The following CTBP1 variants were observed in gnomAD, a reference collection of about 807,000 sequenced individuals.
The protein encoded by CTBP1 is C-terminal binding protein 1.
A neutral mutation model predicts 42.1 loss-of-function variants in CTBP1; 11 were observed. That is an observed-to-expected ratio of 0.26 (90% confidence interval 0.16 to 0.43). CTBP1 has a LOEUF of 0.43. Among genes scored for constraint, CTBP1 ranks in the 20% least tolerant of loss-of-function variants. CTBP1 has a pLI of 1.00. For missense variants in CTBP1, 399 were observed against 624.3 expected, an observed-to-expected ratio of 0.64 and a Z score of 3.85; for synonymous variants, 324 against 277.1, an observed-to-expected ratio of 1.17 and a Z score of -1.68.
chr4:1,231,085 AT>A (rs1037292373), intron 3 of CTBP1: 69 of 152,402 alleles, frequency 4.5e-4, no homozygotes, highest in African/African-American at 1.7e-3. Context: ...GGGGCACCCC[AT>A]GCCCCGACCT....
rs1008034357 is a variant in CTBP1 at position 1,213,353 on chromosome 4, T to C, written c.988+125A>G. The C allele has an allele frequency of 6.1e-6, 9 of 1,470,646 alleles. No individual in the cohort carries two copies. In the East Asian group the frequency reaches 1.4e-4, roughly 22 times the overall value. 91.1% of individuals were successfully genotyped at this position (1,470,646 alleles called of 1,614,324 possible). ...TTAGAGGTCCCTGCTGGGGGTGCAGTGAGAGCACCACGGGCCCTGAGCTGG... is the reference window on the plus strand; with the variant it reads ...TTAGAGGTCCCTGCTGGGGGTGCAGCGAGAGCACCACGGGCCCTGAGCTGG... On this transcript the variant is annotated intron_variant, in intron 8 of 9. Transcript: ENST00000382952.
chr4:1,243,052 C>A, intron 1 of CTBP1: 3 of 985,352 alleles, frequency 3.0e-6, no homozygotes, highest in Non-Finnish European at 3.6e-6. Context: ...TCATTGATAC[C>A]GGCTGATACT....
At chr4:1,214,299 G>A in intron 7 of CTBP1, 44 bp downstream of exon 7, 1 of 1,509,654 alleles carries the variant, frequency 6.6e-7, no homozygotes, top group South Asian at 1.3e-5. Flanking sequence ...CGGCAGGATG[G>A]TGGACAGGGA....
intron 3 of CTBP1, chr4:1,234,647 G>A (rs1731295913): frequency 6.6e-6 from 1 of 152,240 alleles, no homozygotes; most frequent in East Asian, 1.9e-4. Flanking sequence ...TTTCCAATTT[G>A]TTGGCAAAAC....
intron 5 of CTBP1, among the ~76,000 whole-genome samples, chr4:1,222,184 G>A (rs1729813680): frequency 6.6e-6 from 1 of 152,200 alleles, no homozygotes; most frequent in South Asian, 2.1e-4. Context: ...GGGTGGGATG[G>A]GGCTCAGGGA....
At chr4:1,237,004 T>C (rs1731585132) in intron 3 of CTBP1, 3 of 662,786 alleles carry the variant, frequency 4.5e-6, no homozygotes, top group Admixed American at 4.2e-5. Flanking sequence ...CATCTCCTGA[T>C]GGGGCACAGG....
chr4:1,213,875 C>T, intron 7 of CTBP1: 4 of 480,556 alleles, frequency 8.3e-6, no homozygotes, highest in Non-Finnish European at 1.5e-5. Flanking sequence ...GGGGGACATG[C>T]TGCCTGGCCC....
chr4:1,248,150 C>T, intron 1 of CTBP1, among the ~76,000 whole-genome samples: 1 of 152,074 alleles, frequency 6.6e-6, no homozygotes, highest in South Asian at 2.1e-4. Flanking sequence ...GCAAGCCCGG[C>T]GCCCGCCCGT....
chr4:1,250,317 G>A (rs1733195942), upstream of CTBP1: 2 of 270,756 alleles, frequency 7.4e-6, no homozygotes, highest in South Asian at 3.8e-5. Context: ...CTAAGATCGG[G>A]CTGCCGAGCT....
At chr4:1,221,976 T>G in intron 5 of CTBP1, 1 of 309,688 alleles carries the variant, frequency 3.2e-6, no homozygotes, top group South Asian at 2.4e-5. Flanking sequence ...CTGCGCCGAG[T>G]GGCACCAACA....
intron 5 of CTBP1, among the ~76,000 whole-genome samples, chr4:1,224,807 G>T (rs1449200946): frequency 2.0e-5 from 3 of 150,888 alleles, no homozygotes; most frequent in Non-Finnish European, 4.4e-5. Context: ...TGATTTCTGT[G>T]TGCGCCCGTG....
rs764666768 is a variant in CTBP1, at chr4:1,238,099, G to A, written c.162+84C>T. 1.7e-5 allele frequency: 26 copies of A among 1,575,454 alleles called. No individual in the cohort carries two copies. In the East Asian group the frequency reaches 3.6e-4, roughly 22 times the overall value. On this transcript the variant is annotated intron_variant, in intron 3 of 9. Transcript: ENST00000382952. This position sits in a 1 kb window ranked among gnomAD's most constrained non-coding sequence, Gnocchi z 5.9. ...TGCCCCAGTGGCACCCAGACCTGCT[G>A]TGGCCCGGGCCTGCCGTGCTCCCGT...
At chr4:1,243,621 G>A in intron 1 of CTBP1, 1 of 985,444 alleles carries the variant, frequency 1.0e-6, no homozygotes, top group Non-Finnish European at 1.2e-6. Context: ...CTGAGAGCCA[G>A]TGTCCGAGTC....
intron 1 of CTBP1, chr4:1,244,309 T>G (rs1053537141): frequency 1.0e-6 from 1 of 979,704 alleles, no homozygotes; most frequent in Admixed American, 6.4e-5. Context: ...CACCATGGGC[T>G]GGGACCTGCC....
intron 2 of CTBP1, among the ~76,000 whole-genome samples, chr4:1,240,324 G>T (rs1321458732): frequency 7.2e-6 from 1 of 138,380 alleles, no homozygotes; most frequent in Non-Finnish European, 1.5e-5. Context: ...AGTGGGAACC[G>T]GGTCCCTCGT....
At chr4:1,247,071 G>A (rs761381563) in intron 1 of CTBP1, among the ~76,000 whole-genome samples, 4 of 152,160 alleles carry the variant, frequency 2.6e-5, no homozygotes, top group Middle Eastern at 3.2e-3. Flanking sequence ...TGTGCACCCC[G>A]GGCCAAGCCT....
intron 1 of CTBP1, among the ~76,000 whole-genome samples, chr4:1,246,508 G>C (rs1732737038): frequency 6.6e-6 from 1 of 152,210 alleles, no homozygotes; most frequent in Non-Finnish European, 1.5e-5. Context: ...ACACACCTTT[G>C]ACTTGGGCAC....
At position 1,237,783 on chromosome 4, in the gene CTBP1, T is replaced by G. The variant is rs1466706529; in HGVS notation, c.162+400A>C. ...CTGATGGGGCTCAGGACAAACCCCG[T>G]GTCCACCTCCTGATGGGGCACAGGG... On this transcript the variant is annotated intron_variant, in intron 3 of 9. Coordinates refer to ENST00000382952, the MANE Select transcript of CTBP1 (RefSeq NM_001012614.2). 7.2e-5 allele frequency: 50 copies of G among 691,556 alleles called. No individual in the cohort carries two copies. The African/African-American group carries it at 8.4e-4, about 12-fold the overall frequency. 42.8% of individuals were successfully genotyped at this position (691,556 alleles called of 1,614,324 possible).
chr4:1,241,059 TCAGA>T (rs1432725283), intron 2 of CTBP1, among the ~76,000 whole-genome samples: 1 of 152,138 alleles, frequency 6.6e-6, no homozygotes, highest in African/African-American at 2.4e-5. Flanking sequence ...TCCGTGCCTC[TCAGA>T]CACTTTCCGA....
Sources: gnomAD v4.1 joint callset for allele counts (sites outside exome capture counted in the v4.1 genomes callset) on GRCh38, gnomAD v4.1.1 for gene constraint, Gnocchi (gnomAD v3.1) non-coding constraint, MANE v1.5 for transcripts, NCBI Gene and HGNC (gene_info 2026-07-23, HGNC 2026-07-21) for gene names.